Variants in RAB6A observed in about 807,000 individuals in gnomAD.
The protein encoded by RAB6A is RAB6A, member RAS oncogene family.
In RAB6A, 8 loss-of-function variants were observed where a neutral mutation model predicts 32.3. The ratio of observed to expected loss-of-function variants is 0.25; its 90% CI spans 0.15 to 0.45. The LOEUF is 0.45. Ranked by LOEUF, RAB6A falls within the 20% of genes least tolerant of loss-of-function variation. The pLI is 1.00. For synonymous variants in RAB6A, 73 were observed against 82.1 expected (o/e 0.89, Z 0.60); for missense variants, 104 against 249.4 (o/e 0.42, Z 3.93).
intron 2 of RAB6A, among the ~76,000 whole-genome samples, chr11:73,726,186 G>A (rs1416723245): frequency 6.6e-6 from 1 of 151,662 alleles, no homozygotes; most frequent in Admixed American, 6.6e-5. Context: ...TCGGGAGGCT[G>A]AGGCAGGAGA....
intron 6 of RAB6A, among the ~76,000 whole-genome samples, chr11:73,689,376 T>C (rs770837792): frequency 6.6e-6 from 1 of 152,162 alleles, no homozygotes. Flanking sequence ...TAGGAGAATA[T>C]CATGTTGCCA....
At chr11:73,703,517 G>GT (rs1945780347) in intron 6 of RAB6A, among the ~76,000 whole-genome samples, 1 of 152,154 alleles carries the variant, frequency 6.6e-6, no homozygotes. Flanking sequence ...TGAGGTGGGC[G>GT]TATCACCTAA....
intron 1 of RAB6A, among the ~76,000 whole-genome samples, chr11:73,738,060 G>C: frequency 6.6e-6 from 1 of 150,646 alleles, no homozygotes; most frequent in Non-Finnish European, 1.5e-5. Context: ...CTGTATACTT[G>C]ATACAAGTAA....
chr11:73,694,020 A>G (rs527924372), intron 6 of RAB6A, among the ~76,000 whole-genome samples: 8 of 152,184 alleles, frequency 5.3e-5, no homozygotes, highest in Non-Finnish European at 1.2e-4. Flanking sequence ...GTGGTTCTCA[A>G]TACCTATGCG....
chr11:73,727,759 A>ATTT (rs1946244137), intron 2 of RAB6A, among the ~76,000 whole-genome samples: 1 of 152,200 alleles, frequency 6.6e-6, no homozygotes, highest in Non-Finnish European at 1.5e-5. Context: ...TACCCTAAAA[A>ATTT]GGTTTCTGAA....
At chr11:73,733,686 C>T (rs1452006974) in intron 1 of RAB6A, among the ~76,000 whole-genome samples, 2 of 151,920 alleles carry the variant, frequency 1.3e-5, no homozygotes, top group African/African-American at 4.8e-5. Flanking sequence ...ATTTCAGACA[C>T]TACATAGAGT....
chr11:73,738,133 TG>T (rs1447980290), intron 1 of RAB6A, among the ~76,000 whole-genome samples: 1 of 152,142 alleles, frequency 6.6e-6, no homozygotes, highest in Non-Finnish European at 1.5e-5. Flanking sequence ...AGGTGATGGT[TG>T]TACTAAATGT....
chr11:73,722,064 G>T (rs1329093573), intron 2 of RAB6A, among the ~76,000 whole-genome samples: 266 of 146,074 alleles, frequency 1.8e-3, no homozygotes, highest in Middle Eastern at 3.6e-3. Context: ...ATGATTGTAA[G>T]TTTCCTGAGG....
chr11:73,693,722 A>G (rs1251959264), intron 6 of RAB6A, among the ~76,000 whole-genome samples: 1 of 152,050 alleles, frequency 6.6e-6, no homozygotes, highest in Non-Finnish European at 1.5e-5. Flanking sequence ...CGTCTCTACT[A>G]AAAATTTAAA....
At chr11:73,731,737 C>A (rs1358559053) in intron 1 of RAB6A, among the ~76,000 whole-genome samples, 5 of 77,180 alleles carry the variant, frequency 6.5e-5, no homozygotes, top group African/African-American at 1.5e-4. Flanking sequence ...TATATACACA[C>A]ACACACACAT....
chr11:73,745,501 T>C (rs1401000249), intron 1 of RAB6A, among the ~76,000 whole-genome samples: 1 of 151,994 alleles, frequency 6.6e-6, no homozygotes, highest in East Asian at 1.9e-4. Context: ...TCCCAGTACT[T>C]TGGGAGGCTG....
At chr11:73,730,062 A>C (rs1590870831) in intron 2 of RAB6A, 2 of 152,268 alleles carry the variant, frequency 1.3e-5, no homozygotes, top group East Asian at 3.8e-4. Flanking sequence ...TGAGTATAAC[A>C]AACTATCTTT....
chr11:73,749,018 G>T (rs993552156), intron 1 of RAB6A, among the ~76,000 whole-genome samples: 2 of 152,004 alleles, frequency 1.3e-5, no homozygotes, highest in African/African-American at 4.8e-5. Flanking sequence ...CCAACTACTT[G>T]GGAGGCTGAG....
chr11:73,734,944 C>T (rs1400759433), intron 1 of RAB6A, among the ~76,000 whole-genome samples: 1 of 152,112 alleles, frequency 6.6e-6, no homozygotes, highest in Non-Finnish European at 1.5e-5. Context: ...AATCCAAAAG[C>T]CTGAAATGAG....
chr11:73,689,583 T>A (rs1032253716), intron 6 of RAB6A, among the ~76,000 whole-genome samples: 16 of 152,186 alleles, frequency 1.1e-4, no homozygotes, highest in African/African-American at 3.6e-4. Context: ...TCCTTTCTAT[T>A]GATTCCAGGT....
intron 4 of RAB6A, among the ~76,000 whole-genome samples, 156 bp downstream of exon 4, chr11:73,718,457 C>T (rs1179332865): frequency 3.9e-5 from 6 of 152,072 alleles, no homozygotes; most frequent in African/African-American, 1.4e-4. Flanking sequence ...GGTATAAACA[C>T]CAAAGCAAAT....
chr11:73,726,184 C>A (rs373239376), intron 2 of RAB6A, among the ~76,000 whole-genome samples: 92 of 151,226 alleles, frequency 6.1e-4, no homozygotes, highest in African/African-American at 2.2e-3. Flanking sequence ...ATTCGGGAGG[C>A]TGAGGCAGGA....
intron 6 of RAB6A, among the ~76,000 whole-genome samples, chr11:73,693,397 G>A (rs1316759405): frequency 1.3e-5 from 2 of 152,086 alleles, no homozygotes; most frequent in African/African-American, 2.4e-5. Flanking sequence ...AGATTAACCA[G>A]TAGGTACATG....
chr11:73,725,780 A>G (rs1946208744), intron 2 of RAB6A, among the ~76,000 whole-genome samples: 1 of 152,214 alleles, frequency 6.6e-6, no homozygotes, highest in African/African-American at 2.4e-5. Flanking sequence ...AGAGGCTAGA[A>G]AGTTAAAGAA....
Sources: gnomAD v4.1 joint callset for allele counts (sites outside exome capture counted in the v4.1 genomes callset) on GRCh38, gnomAD v4.1.1 for gene constraint, MANE v1.5 for transcripts, NCBI Gene and HGNC (gene_info 2026-07-23, HGNC 2026-07-21) for gene names.